The following VCL variants were observed in gnomAD, a reference collection of about 807,000 sequenced individuals.
The protein encoded by VCL is vinculin.
VCL carries 47 observed loss-of-function variants against 125.7 expected under a neutral mutation model. That is an observed-to-expected ratio of 0.37 (90% CI 0.30 to 0.48). VCL has a LOEUF of 0.48. Among genes scored for constraint, VCL ranks in the 20% least tolerant of loss-of-function variants. The pLI is 0.99. For synonymous variants in VCL, 458 were observed against 514.6 expected (o/e 0.89, Z 1.49); for missense variants, 1,069 against 1,455.5 (o/e 0.73, Z 4.32).
intron 1 of VCL, among the ~76,000 whole-genome samples, chr10:74,038,779 T>A (rs1354278315): frequency 1.3e-5 from 2 of 152,228 alleles, no homozygotes; most frequent in Non-Finnish European, 2.9e-5. Context: ...TACAAAACTG[T>A]TTTAATGTTT....
chr10:74,010,643 C>G (rs1340240738), intron 1 of VCL, among the ~76,000 whole-genome samples: 1 of 151,572 alleles, frequency 6.6e-6, no homozygotes, highest in Non-Finnish European at 1.5e-5. Flanking sequence ...ATCCTTTTCA[C>G]CGTTTAAAAA....
chr10:74,005,146 T>A (rs1799177864), intron 1 of VCL: 1 of 152,210 alleles, frequency 6.6e-6, no homozygotes, highest in Non-Finnish European at 1.5e-5. Flanking sequence ...AAAATAACTT[T>A]GTAGATTACT....
At chr10:74,034,444 T>G (rs1046006781) in intron 1 of VCL, among the ~76,000 whole-genome samples, 15 of 152,258 alleles carry the variant, frequency 9.9e-5, no homozygotes, top group African/African-American at 3.6e-4. Flanking sequence ...AGAACTCTTA[T>G]TCTGCCTTCC....
chr10:74,114,441 G>GCA (rs1840281909), intron 20 of VCL, 54 bp downstream of exon 20: 15 of 1,567,260 alleles, frequency 9.6e-6, no homozygotes, highest in African/African-American at 1.4e-5. Flanking sequence ...GTGTGTGCGT[G>GCA]TGTGTGTGTG....
chr10:74,105,318 A>T lies in VCL; in HGVS notation c.2399A>T (p.Asp800Val), dbSNP rs919509789. 14 of 1,612,538 alleles carry T rather than the reference A, an allele frequency of 8.7e-6. No individual in the cohort carries two copies. Among genetic ancestry groups the T allele is most frequent in the Non-Finnish European group, 1.2e-5 (14 of 1,179,966 alleles). Residue 800 changes from aspartate to valine, a missense_variant, in exon 16 of 22, where the codon GAT becomes GTT. Coordinates refer to ENST00000211998, the MANE Select transcript of VCL (RefSeq NM_014000.3). The stretch of plus-strand genomic sequence containing the variant: ...AAAACCATCTCCCCGATGGTGATGG[A>T]TGCAAAAGCTGTGGCTGGAAACATT... ...LSKTISPMVM[D>V]AKAVAGNISD...
At chr10:74,105,457 G>A (rs1840117342) in intron 16 of VCL, 104 bp downstream of exon 16, 5 of 1,432,560 alleles carry the variant, frequency 3.5e-6, no homozygotes, top group Non-Finnish European at 4.9e-6. Flanking sequence ...AAGTCTGGGG[G>A]CAAAAACTAT....
At chr10:74,052,607 G>A (rs1429165109) in intron 2 of VCL, among the ~76,000 whole-genome samples, 1 of 151,976 alleles carries the variant, frequency 6.6e-6, no homozygotes, top group Admixed American at 6.6e-5. Flanking sequence ...AAACTCCTGA[G>A]CGCAGGTGAT....
chr10:74,087,804 C>T (rs1042982328), intron 8 of VCL, among the ~76,000 whole-genome samples: 6 of 151,730 alleles, frequency 4.0e-5, no homozygotes, highest in African/African-American at 9.7e-5. Context: ...TGTGAAACCC[C>T]GTCTCTACTA....
intron 6 of VCL, among the ~76,000 whole-genome samples, chr10:74,078,530 A>G (rs1253536874): frequency 1.3e-5 from 2 of 152,246 alleles, no homozygotes; most frequent in Non-Finnish European, 2.9e-5. Flanking sequence ...TAGTTAATTC[A>G]GGCATTTATG....
At chr10:74,010,831 A>G (rs1164396226) in intron 1 of VCL, among the ~76,000 whole-genome samples, 1 of 152,198 alleles carries the variant, frequency 6.6e-6, no homozygotes, top group Non-Finnish European at 1.5e-5. Flanking sequence ...TAACTTCAAG[A>G]TAATGAGCCT....
intron 1 of VCL, among the ~76,000 whole-genome samples, chr10:74,010,409 AT>A (rs1180601188): frequency 7.2e-5 from 11 of 152,190 alleles, no homozygotes; most frequent in Non-Finnish European, 1.5e-4. Flanking sequence ...GTGTCTTCAT[AT>A]AGTCTGAAAG....
chr10:74,050,164 C>A (rs570388807), intron 2 of VCL, among the ~76,000 whole-genome samples: 1 of 152,190 alleles, frequency 6.6e-6, no homozygotes, highest in Non-Finnish European at 1.5e-5. Flanking sequence ...GCTTTCATTT[C>A]GAACTGGACA....
At position 74,043,235 on chromosome 10, in the gene VCL, C is replaced by CT; in HGVS notation, c.239+90dup. 1.0e-4 allele frequency: 129 copies of CT among 1,283,564 alleles called. 1 individual carries two copies. The highest frequency in any genetic ancestry group is 1.2e-4 in the Non-Finnish European group (105 of 894,660). The allele number at this position is 1,283,564 out of a possible 1,614,324, so 79.5% of individuals were successfully genotyped here. A position where few individuals can be genotyped will look rare whatever the true frequency, so the allele number is the denominator to read the frequency against. ...AAAAAGTAGCTGATTTCAGTAACAA[C>CT]TTTTTTTTGGTATAAAACTTTTGTT... On this transcript the variant is annotated intron_variant, in intron 2 of 21. Transcript: ENST00000211998.
chr10:74,049,367 T>C (rs976754932), intron 2 of VCL, among the ~76,000 whole-genome samples: 3 of 152,162 alleles, frequency 2.0e-5, no homozygotes, highest in Non-Finnish European at 4.4e-5. Flanking sequence ...CTATATATGA[T>C]GGCAGAGCAA....
intron 19 of VCL, among the ~76,000 whole-genome samples, chr10:74,113,724 T>C (rs1403766868): frequency 6.6e-6 from 1 of 152,146 alleles, no homozygotes; most frequent in African/African-American, 2.4e-5. Flanking sequence ...CCTCTGTATT[T>C]TTCCCCTCAG....
chr10:74,102,259 C>A (rs1031193145), intron 14 of VCL, among the ~76,000 whole-genome samples: 1 of 138,220 alleles, frequency 7.2e-6, no homozygotes, highest in African/African-American at 2.7e-5. Context: ...TTAAATTGAT[C>A]TGTTTCTATA....
At chr10:74,121,352 T>G (rs1840452093), downstream of VCL, 1 of 152,238 alleles carries the variant, frequency 6.6e-6, no homozygotes, top group Non-Finnish European at 1.5e-5. Flanking sequence ...AATAAAATGA[T>G]GGTGACTCCC....
intron 21 of VCL, among the ~76,000 whole-genome samples, chr10:74,115,349 C>T (rs1307288756): frequency 6.6e-6 from 1 of 151,610 alleles, no homozygotes; most frequent in Non-Finnish European, 1.5e-5. Context: ...TGAAGACTAG[C>T]TTGGGCAAAA....
chr10:73,998,767 C>G (rs1840167021), intron 1 of VCL, among the ~76,000 whole-genome samples: 1 of 152,242 alleles, frequency 6.6e-6, no homozygotes, highest in African/African-American at 2.4e-5. Context: ...CTTCCTCGCT[C>G]TCAGCGCCTT....
Sources: gnomAD v4.1 joint callset for allele counts (sites outside exome capture counted in the v4.1 genomes callset) on GRCh38, gnomAD v4.1.1 for gene constraint, MANE v1.5 for transcripts, NCBI Gene and HGNC (gene_info 2026-07-23, HGNC 2026-07-21) for gene names.